FAM111A: variants seen among roughly 807,000 people sequenced by gnomAD.
The protein encoded by FAM111A is FAM111 trypsin like peptidase A.
A neutral mutation model predicts 3.3 loss-of-function variants in FAM111A; 8 were observed. The observed-to-expected ratio is 2.39, with a 90% CI of 1.40 to 4.32. FAM111A has a LOEUF of 4.32. FAM111A is among the 30% of genes most tolerant of loss of function. FAM111A has a pLI of 0.00. For missense variants in FAM111A, 683 were observed against 727.6 expected (o/e 0.94, Z 0.71); for synonymous variants, 227 against 243.1 (o/e 0.93, Z 0.62).
Position 59,152,178 on chromosome 11 carries a change from A to C in FAM111A, c.510A>C (p.Ile170=), listed in dbSNP as rs1419843495. 6.2e-7 allele frequency: 1 copy of C among 1,614,172 alleles called. No homozygotes were observed. Among genetic ancestry groups the C allele is most frequent in the Non-Finnish European group, 8.5e-7 (1 of 1,180,026 alleles). Residue 170 remains isoleucine, a synonymous_variant, in exon 6 of 6, where the codon ATA becomes ATC. Coordinates refer to ENST00000675163, the MANE Select transcript of FAM111A (RefSeq NM_001312909.2). The stretch of plus-strand genomic sequence containing the variant: ...GTAAGCAGAAGGAAGATAACCACAT[A>C]TTTGGCAGGCAGGACAAAGCATCGA... ...SKSKQKEDNH[I]FGRQDKASTE...
chr11:59,153,482 T>C lies in FAM111A; in HGVS notation c.1814T>C (p.Met605Thr). 1.2e-6 allele frequency: 2 copies of C among 1,607,996 alleles called. No individual in the cohort carries two copies. The highest frequency in any genetic ancestry group is 2.2e-5 in the East Asian group (1 of 44,878). Reference sequence around the variant, plus strand: ...TTTGTAAATCAGCAGGATGTAGAAATGATGAGTGATGAGGACTTGTGAGAA... The same window carrying C: ...TTTGTAAATCAGCAGGATGTAGAAACGATGAGTGATGAGGACTTGTGAGAA... ...EVFVNQQDVE[M>T]MSDEDL Residue 605 changes from methionine (M) to threonine (T), a missense_variant, in exon 6 of 6, where the codon ATG (methionine) becomes ACG (threonine). Met to Thr is a moderately conservative substitution (Grantham distance 81). Coordinates refer to ENST00000675163, the MANE Select transcript of FAM111A (RefSeq NM_001312909.2).
Position 59,147,157 on chromosome 11 carries a change from C to T in FAM111A, c.-77+1301C>T, listed in dbSNP as rs555614482. On this transcript the variant is annotated intron_variant, in intron 4 of 5. Coordinates refer to ENST00000675163, the MANE Select transcript of FAM111A (RefSeq NM_001312909.2). ...GCCAGCAAACTGAGAAGATGGCAGA[C>T]TAGCAACCCAAAGTAGCCTCTTAAG... Among the ~76,000 whole-genome samples, 19 of 152,274 alleles carry T rather than the reference C, an allele frequency of 1.2e-4. No homozygotes were observed. In the South Asian group the frequency reaches 3.1e-3, roughly 25 times the overall value.
intron 5 of FAM111A, among the ~76,000 whole-genome samples, chr11:59,150,779 T>C (rs913259588): frequency 1.3e-5 from 2 of 152,226 alleles, no homozygotes; most frequent in Admixed American, 6.5e-5. Context: ...AGAAAAGACG[T>C]CTACAAGAAA....
chr11:59,148,770 TC>T, intron 4 of FAM111A, 26 bp from the exon 5 acceptor site: 1 of 788,120 alleles, frequency 1.3e-6, no homozygotes. Context: ...CACCAGCTAA[TC>T]TTTTCCTCTG....
Position 59,153,253 on chromosome 11 carries a change from G to T in FAM111A, c.1585G>T (p.Val529Leu), listed in dbSNP as rs769700989. Residue 529 changes from valine to leucine, a missense_variant, in exon 6 of 6, where the codon GTG becomes TTG. By Grantham distance (32) the Val-to-Leu change is conservative (BLOSUM62 1). Transcript: ENST00000675163. ...CCAGAAAATAGTTCACAACCCTGAT[G>T]TGATTACCTATGACACTGAATTTTT... Reference protein sequence around the residue: ...SFQKIVHNPDVITYDTEFFFG... With the variant: ...SFQKIVHNPDLITYDTEFFFG... The T allele has an allele frequency of 1.2e-6, 2 of 1,614,100 alleles. No homozygotes were observed. Among genetic ancestry groups the T allele is most frequent in the East Asian group, 4.5e-5 (2 of 44,900 alleles).
chr11:59,144,969 C>G (rs1280552602), intron 3 of FAM111A: 1 of 152,702 alleles, frequency 6.5e-6, no homozygotes, highest in African/African-American at 2.4e-5. Flanking sequence ...GGGCTCGAGT[C>G]CCGGCTGGGA....
chr11:59,152,358 A>T lies in FAM111A; in HGVS notation c.690A>T (p.Arg230Ser), dbSNP rs140306279. Residue 230 changes from arginine to serine, a missense_variant, in exon 6 of 6, where the codon AGA becomes AGT. Coordinates refer to ENST00000675163, the MANE Select transcript of FAM111A (RefSeq NM_001312909.2). Reference sequence around the variant, plus strand: ...AGGATGCACTGTGCAAGGATGGCAGATTTCTTTCCTTTCTGGAGAATGATG... The same window carrying T: ...AGGATGCACTGTGCAAGGATGGCAGTTTTCTTTCCTTTCTGGAGAATGATG... Reference protein sequence around the residue: ...TIKDALCKDGRFLSFLENDDW... With the variant: ...TIKDALCKDGSFLSFLENDDW... The T allele has an allele frequency of 4.8e-5, 77 of 1,614,180 alleles. No individual in the cohort carries two copies. Among genetic ancestry groups the T allele is most frequent in the Middle Eastern group, 1.6e-4 (1 of 6,062 alleles).
Position 59,151,816 on chromosome 11 carries a change from A to T in FAM111A, c.148A>T (p.Arg50Ter). 1 of 1,614,012 alleles carries T rather than the reference A, an allele frequency of 6.2e-7. No homozygotes were observed. Residue 50 changes from arginine (R) to a stop codon, truncating the protein, a stop_gained, in exon 6 of 6, where the codon AGA becomes TGA. Transcript: ENST00000675163. LOFTEE classifies it low-confidence loss of function (END_TRUNC). ...GAGGATGGAGTCTAGAGGAGACCCA[A>T]GAGCCACAACTAATACCCAGGCTCA... ...LMRMESRGDP[R>*]ATTNTQAQRF...
Position 59,148,889 on chromosome 11 carries a change from A to G in FAM111A, c.17A>G (p.Gln6Arg). MSCKK[Q>R]RSRKHSVNEK... ...CAAGCCATCATGAGCTGTAAGAAGCAGAGGTCACGGAAGCACTCAGTCAAT... is the reference window on the plus strand; with the variant it reads ...CAAGCCATCATGAGCTGTAAGAAGCGGAGGTCACGGAAGCACTCAGTCAAT... The change falls in exon 5 of 6, where the codon CAG (glutamine) becomes CGG (arginine). Residue 6 changes from glutamine (Q) to arginine (R), a missense_variant. Around this residue, in one of 3 missense-constraint regions of FAM111A, gnomAD observed 557 missense variants for 600.2 expected, o/e 0.93. Coordinates refer to ENST00000675163, the MANE Select transcript of FAM111A (RefSeq NM_001312909.2). 1 of 1,613,754 alleles carries G rather than the reference A, an allele frequency of 6.2e-7. No individual in the cohort carries two copies. Among genetic ancestry groups the G allele is most frequent in the East Asian group, 2.2e-5 (1 of 44,878 alleles).
In FAM111A at chr11:59,153,018, A is replaced by G. The variant is rs774796498; in HGVS notation, c.1350A>G (p.Gln450=). Residue 450 remains glutamine, a synonymous_variant, in exon 6 of 6, where the codon CAA becomes CAG. Coordinates refer to ENST00000675163, the MANE Select transcript of FAM111A (RefSeq NM_001312909.2). ...TCCTGAAACTGAAGGAAAATGGACA[A>G]CAAGTACCTATGGAACTATATAATG... The part of the protein sequence containing the change: ...YAVLKLKENG[Q]QVPMELYNGI... The G allele has an allele frequency of 1.5e-5, 25 of 1,614,020 alleles. No homozygotes were observed. The highest frequency in any genetic ancestry group is 1.1e-4 in the East Asian group (5 of 44,902).
Sources: gnomAD v4.1 joint callset for allele counts (sites outside exome capture counted in the v4.1 genomes callset) on GRCh38, gnomAD v4.1.1 for gene constraint, gnomAD v4.1.1 regional missense constraint, MANE v1.5 for transcripts, NCBI Gene and HGNC (gene_info 2026-07-23, HGNC 2026-07-21) for gene names.